Variants in PTPRM observed in about 807,000 individuals in gnomAD.
PTPRM encodes the protein protein tyrosine phosphatase receptor type M.
PTPRM carries 47 observed loss-of-function variants against 186.7 expected under a neutral mutation model. The observed-to-expected ratio is 0.25, with a 90% confidence interval of 0.20 to 0.32. The LOEUF is 0.32. Ranked by LOEUF, PTPRM falls within the 10% of genes least tolerant of loss-of-function variation. The pLI is 1.00. For synonymous variants in PTPRM, 668 were observed against 674.9 expected (o/e 0.99, Z 0.16); for missense variants, 1,494 against 1,865.0 (o/e 0.80, Z 3.66).
At chr18:7,866,829 T>C (rs1267626671) in intron 2 of PTPRM, among the ~76,000 whole-genome samples, 1 of 152,210 alleles carries the variant, frequency 6.6e-6, no homozygotes, top group African/African-American at 2.4e-5. Context: ...TCTAAGTCTC[T>C]TTATAGGTCT....
At chr18:8,288,515 A>C (rs2094983704) in intron 19 of PTPRM, among the ~76,000 whole-genome samples, 1 of 152,114 alleles carries the variant, frequency 6.6e-6, no homozygotes, top group Admixed American at 6.6e-5. Context: ...CACTCACCCC[A>C]ATTATATCAA....
At chr18:8,161,586 T>C (rs1054068298) in intron 14 of PTPRM, among the ~76,000 whole-genome samples, 2 of 152,180 alleles carry the variant, frequency 1.3e-5, no homozygotes, top group African/African-American at 4.8e-5. Flanking sequence ...CTTTTTAAAG[T>C]ATGTGTTGGC....
intron 1 of PTPRM, among the ~76,000 whole-genome samples, chr18:7,589,510 G>C (rs118149518): frequency 0.013 from 1,942 of 152,214 alleles, 18 homozygotes; most frequent in Non-Finnish European, 0.022. Flanking sequence ...AATCTTTCTA[G>C]ATAGAGACCT....
intron 14 of PTPRM, among the ~76,000 whole-genome samples, chr18:8,144,139 A>G (rs1292048130): frequency 6.6e-6 from 1 of 152,200 alleles, no homozygotes; most frequent in Non-Finnish European, 1.5e-5. Flanking sequence ...AGATATGAGA[A>G]GACTTTACTT....
intron 14 of PTPRM, among the ~76,000 whole-genome samples, chr18:8,159,346 A>T (rs1427121039): frequency 6.6e-6 from 1 of 152,192 alleles, no homozygotes; most frequent in Non-Finnish European, 1.5e-5. Flanking sequence ...TGTTATATTC[A>T]TATGTGCCGT....
At chr18:7,865,634 G>T (rs1362309732) in intron 2 of PTPRM, among the ~76,000 whole-genome samples, 1 of 152,136 alleles carries the variant, frequency 6.6e-6, no homozygotes, top group Non-Finnish European at 1.5e-5. Flanking sequence ...AGGGATATTG[G>T]CCTGAAATTT....
At chr18:7,715,868 C>G (rs879577272) in intron 1 of PTPRM, among the ~76,000 whole-genome samples, 2 of 152,132 alleles carry the variant, frequency 1.3e-5, no homozygotes, top group African/African-American at 4.8e-5. Flanking sequence ...AGAAGACAAA[C>G]AAATGGAAAA....
At chr18:8,241,878 G>C (rs1165835002) in intron 14 of PTPRM, among the ~76,000 whole-genome samples, 3 of 152,126 alleles carry the variant, frequency 2.0e-5, no homozygotes, top group Non-Finnish European at 4.4e-5. Flanking sequence ...TGTCTGCCTG[G>C]ACCTCTGTTT....
At chr18:8,187,618 G>A (rs1172258263) in intron 14 of PTPRM, among the ~76,000 whole-genome samples, 2 of 152,230 alleles carry the variant, frequency 1.3e-5, no homozygotes, top group East Asian at 1.9e-4. Context: ...TGGCTTCAGA[G>A]AGATCAGCAG....
intron 2 of PTPRM, among the ~76,000 whole-genome samples, chr18:7,812,349 C>A (rs1206205194): frequency 2.0e-5 from 3 of 152,228 alleles, no homozygotes; most frequent in Non-Finnish European, 4.4e-5. Context: ...TTATCTCTCT[C>A]CTTCCATAAG....
intron 1 of PTPRM, among the ~76,000 whole-genome samples, chr18:7,635,897 G>A (rs528844218): frequency 6.6e-6 from 1 of 152,282 alleles, no homozygotes; most frequent in South Asian, 2.1e-4. Flanking sequence ...TCCATAGAAT[G>A]CCCACTTCCA....
intron 7 of PTPRM, among the ~76,000 whole-genome samples, chr18:7,993,852 A>T (rs1293796955): frequency 6.6e-6 from 1 of 152,146 alleles, no homozygotes; most frequent in African/African-American, 2.4e-5. Context: ...TTATTACTAC[A>T]GAAAGCTACC....
chr18:7,766,536 C>T (rs2042022695), intron 1 of PTPRM, among the ~76,000 whole-genome samples: 1 of 152,164 alleles, frequency 6.6e-6, no homozygotes, highest in South Asian at 2.1e-4. Flanking sequence ...GTAATGTGCC[C>T]TCTGATTGGC....
intron 14 of PTPRM, among the ~76,000 whole-genome samples, chr18:8,206,875 A>G (rs1055250098): frequency 7.2e-5 from 11 of 152,130 alleles, no homozygotes; most frequent in Non-Finnish European, 1.3e-4. Context: ...ATTGAGACAC[A>G]GGGAGAGAAT....
intron 5 of PTPRM, among the ~76,000 whole-genome samples, chr18:7,939,926 C>T (rs970493549): frequency 1.4e-4 from 22 of 152,134 alleles, no homozygotes; most frequent in Admixed American, 7.2e-4. Context: ...GCTGTGTCCA[C>T]CTGATGTATA....
At position 8,398,075 on chromosome 18, in the gene PTPRM, C is replaced by A. The variant is rs144949797; in HGVS notation, c.4344+3464C>A. On this transcript the variant is annotated intron_variant, in intron 32 of 32. Transcript: ENST00000580170. ...GCAGCCTCAAACCCCTGGGCTCAAG[C>A]CATCCTCCCACCTCAGCCTCTCAAG... 7.6e-3 allele frequency among the ~76,000 whole-genome samples: 1,162 copies of A among 152,312 alleles called. 19 individuals carry two copies. Among genetic ancestry groups the A allele is most frequent in the African/African-American group, 0.027 (1,107 of 41,578 alleles).
intron 22 of PTPRM, among the ~76,000 whole-genome samples, chr18:8,322,014 C>T (rs1441232975): frequency 1.3e-5 from 2 of 152,132 alleles, no homozygotes. Context: ...TTAATACCTC[C>T]AAGAGGCCAA....
intron 2 of PTPRM, among the ~76,000 whole-genome samples, chr18:7,854,451 G>A (rs2047000087): frequency 6.6e-6 from 1 of 152,248 alleles, no homozygotes; most frequent in Non-Finnish European, 1.5e-5. Flanking sequence ...GAAAAATTTA[G>A]TGTGGAATGA....
At chr18:7,940,191 A>C (rs147589030) in intron 5 of PTPRM, among the ~76,000 whole-genome samples, 1 of 152,278 alleles carries the variant, frequency 6.6e-6, no homozygotes, top group African/African-American at 2.4e-5. Flanking sequence ...TCACTTGTTC[A>C]ATGCCTGAAT....
Sources: gnomAD v4.1 joint callset for allele counts (sites outside exome capture counted in the v4.1 genomes callset) on GRCh38, gnomAD v4.1.1 for gene constraint, MANE v1.5 for transcripts, NCBI Gene and HGNC (gene_info 2026-07-23, HGNC 2026-07-21) for gene names.